SEMA5A: variants seen among roughly 807,000 people sequenced by gnomAD.
The protein encoded by SEMA5A is semaphorin 5A.
A neutral mutation model predicts 135.5 loss-of-function variants in SEMA5A; 55 were observed. That is an observed-to-expected ratio of 0.41 (90% confidence interval 0.33 to 0.51). The LOEUF (loss-of-function observed/expected upper bound fraction) is 0.51. Ranked by LOEUF, SEMA5A falls within the 20% of genes least tolerant of loss-of-function variation. The pLI is 0.37. For missense variants in SEMA5A, 1,290 were observed against 1,419.9 expected, an observed-to-expected ratio of 0.91 and a Z score of 1.47; for synonymous variants, 580 against 546.5, an observed-to-expected ratio of 1.06 and a Z score of -0.85.
rs375160174 is a variant in SEMA5A at position 9,473,383 on chromosome 5, T to TTAAAAA, written c.-174-35532_-174-35531insTTTTTA. Among the ~76,000 whole-genome samples, 553 of 79,706 alleles carry TTAAAAA rather than the reference T, an allele frequency of 6.9e-3. 15 individuals carry two copies. The highest frequency in any genetic ancestry group is 0.026 in the African/African-American group (520 of 19,712). The allele number at this position is 79,706 out of a possible 152,430, so 52.3% of individuals were successfully genotyped here. On this transcript the variant is annotated intron_variant, in intron 1 of 22. Coordinates refer to ENST00000382496, the MANE Select transcript of SEMA5A (RefSeq NM_003966.3). ...ATTGGCTGCATATGGCAATCAGTGG[T>TTAAAAA]AAAAAAAAAAAAAAAAAAAAAGACT... is the stretch of plus-strand genomic sequence containing the variant.
chr5:9,054,272 A>G lies in SEMA5A; in HGVS notation c.2519-15T>C, dbSNP rs1736765401. 3 of 1,608,694 alleles carry G rather than the reference A, an allele frequency of 1.9e-6. No homozygotes were observed. In the South Asian group the frequency reaches 3.3e-5, roughly 18 times the overall value. On this transcript the variant is annotated splice_polypyrimidine_tract_variant and intron_variant, in intron 18 of 22. Transcript: ENST00000382496. ...CACGCCATCCACTGTGAAGAAACAC[A>G]ATGTCACAGCTCTTCTATAATCCAA...
chr5:9,431,021 T>G (rs995492244), intron 2 of SEMA5A, among the ~76,000 whole-genome samples: 12 of 152,066 alleles, frequency 7.9e-5, no homozygotes, highest in African/African-American at 2.9e-4. Context: ...AAATAACTGC[T>G]TAAGTACTGT....
At chr5:9,190,569 A>G (rs1049480057) in intron 10 of SEMA5A, 98 bp from the exon 11 acceptor site, 3 of 1,091,748 alleles carry the variant, frequency 2.7e-6, no homozygotes, top group Middle Eastern at 2.9e-4. Flanking sequence ...GAAATCAAGT[A>G]AGCCACAATC....
At chr5:9,410,438 C>T (rs1338712202) in intron 2 of SEMA5A, among the ~76,000 whole-genome samples, 1 of 152,122 alleles carries the variant, frequency 6.6e-6, no homozygotes, top group Non-Finnish European at 1.5e-5. Flanking sequence ...AGTCAATCTC[C>T]GCAGGATTGG....
chr5:9,111,916 G>A (rs1377022736), intron 15 of SEMA5A, among the ~76,000 whole-genome samples: 1 of 151,090 alleles, frequency 6.6e-6, no homozygotes, highest in Non-Finnish European at 1.5e-5. Flanking sequence ...AATGAGGTTG[G>A]AAGTCAGTTA....
intron 5 of SEMA5A, among the ~76,000 whole-genome samples, chr5:9,300,024 T>C (rs1030414269): frequency 6.6e-6 from 1 of 151,488 alleles, no homozygotes; most frequent in African/African-American, 2.4e-5. Flanking sequence ...TGCCCTCTTG[T>C]TTCTCCTCAC....
intron 13 of SEMA5A, among the ~76,000 whole-genome samples, chr5:9,130,786 C>T (rs970158619): frequency 6.6e-5 from 10 of 152,124 alleles, no homozygotes; most frequent in African/African-American, 1.9e-4. Context: ...TGGTGATGAC[C>T]GTGTCACCCC....
chr5:9,114,882 T>G (rs537398795), intron 15 of SEMA5A, among the ~76,000 whole-genome samples: 1 of 152,308 alleles, frequency 6.6e-6, no homozygotes, highest in Non-Finnish European at 1.5e-5. Flanking sequence ...TAAAACCTTT[T>G]ATTGTAACCT....
chr5:9,351,471 T>G (rs1294507507), intron 3 of SEMA5A, among the ~76,000 whole-genome samples: 1 of 145,294 alleles, frequency 6.9e-6, no homozygotes, highest in Non-Finnish European at 1.5e-5. Flanking sequence ...CCCCCACCGT[T>G]TTTTTTTCAA....
chr5:9,265,975 G>T (rs1749665354), intron 5 of SEMA5A, among the ~76,000 whole-genome samples: 1 of 152,154 alleles, frequency 6.6e-6, no homozygotes, highest in South Asian at 2.1e-4. Flanking sequence ...TTGCCCCACG[G>T]CTGCCCTGCT....
At chr5:9,250,514 C>G (rs72741961) in intron 5 of SEMA5A, among the ~76,000 whole-genome samples, 1 of 151,990 alleles carries the variant, frequency 6.6e-6, no homozygotes, top group Non-Finnish European at 1.5e-5. Context: ...GAAAAAAGAC[C>G]GAATTCATAC....
At chr5:9,284,280 A>G (rs556827557) in intron 5 of SEMA5A, among the ~76,000 whole-genome samples, 2 of 152,346 alleles carry the variant, frequency 1.3e-5, no homozygotes, top group East Asian at 1.9e-4. Flanking sequence ...ATCATAATGA[A>G]TATCTAACAC....
chr5:9,163,517 A>G (rs1743412577), intron 11 of SEMA5A, among the ~76,000 whole-genome samples: 1 of 152,198 alleles, frequency 6.6e-6, no homozygotes, highest in African/African-American at 2.4e-5. Flanking sequence ...TCTTCAGAGT[A>G]CTGGCCAATT....
At chr5:9,517,384 G>A (rs1483555786) in intron 1 of SEMA5A, 1 of 152,186 alleles carries the variant, frequency 6.6e-6, no homozygotes, top group Non-Finnish European at 1.5e-5. Context: ...CTCTAAGTGG[G>A]GTCCCAGGAC....
At chr5:9,114,316 A>G (rs1740396385) in intron 15 of SEMA5A, among the ~76,000 whole-genome samples, 1 of 152,232 alleles carries the variant, frequency 6.6e-6, no homozygotes, top group South Asian at 2.1e-4. Flanking sequence ...AATAAGGAAT[A>G]GTTATTATTG....
At chr5:9,364,274 C>T (rs558430578) in intron 3 of SEMA5A, among the ~76,000 whole-genome samples, 3 of 152,268 alleles carry the variant, frequency 2.0e-5, no homozygotes, top group South Asian at 2.1e-4. Context: ...TGTGCAGACA[C>T]CTTTGAGAGT....
chr5:9,128,598 A>C (rs1741240148), intron 13 of SEMA5A, among the ~76,000 whole-genome samples: 1 of 152,176 alleles, frequency 6.6e-6, no homozygotes, highest in East Asian at 1.9e-4. Flanking sequence ...CACAGGATGA[A>C]AATAGTCCTT....
At chr5:9,304,380 AT>A (rs1434965982) in intron 5 of SEMA5A, among the ~76,000 whole-genome samples, 2 of 152,014 alleles carry the variant, frequency 1.3e-5, no homozygotes, top group African/African-American at 4.8e-5. Flanking sequence ...ACATATCCTT[AT>A]TTTTTGTGAA....
intron 11 of SEMA5A, among the ~76,000 whole-genome samples, chr5:9,168,061 C>T (rs1263576568): frequency 6.6e-6 from 1 of 152,158 alleles, no homozygotes; most frequent in African/African-American, 2.4e-5. Context: ...CTATGCACCC[C>T]TCTCACTGCC....
Sources: gnomAD v4.1 joint callset for allele counts (sites outside exome capture counted in the v4.1 genomes callset) on GRCh38, gnomAD v4.1.1 for gene constraint, MANE v1.5 for transcripts, NCBI Gene and HGNC (gene_info 2026-07-23, HGNC 2026-07-21) for gene names.